The following SCN1A variants were observed in gnomAD, a reference collection of about 807,000 sequenced individuals.
The protein encoded by SCN1A is sodium voltage-gated channel alpha subunit 1.
In SCN1A, 13 loss-of-function variants were observed where a neutral mutation model predicts 193.7. The observed-to-expected ratio is 0.07, with a 90% confidence interval of 0.04 to 0.11. The LOEUF (loss-of-function observed/expected upper bound fraction) is 0.11, where lower values mean the gene tolerates loss of function less well. Ranked by LOEUF, SCN1A falls within the 10% of genes least tolerant of loss-of-function variation. The pLI, the probability that SCN1A is intolerant of heterozygous loss-of-function variation, is 1.00. For missense variants in SCN1A, 1,432 were observed against 2,451.1 expected (o/e 0.58, Z 8.78); for synonymous variants, 781 against 843.6 (o/e 0.93, Z 1.29).
Position 166,012,286 on chromosome 2 carries a change from TAAAGAA to T in SCN1A, c.3706-10_3706-5del. On this transcript the variant is annotated splice_region_variant and splice_polypyrimidine_tract_variant and intron_variant, in intron 21 of 28. Transcript: ENST00000674923. Reference sequence around the variant, plus strand: ...CAATATATATATCTTCAAATGCCTATAAAGAAAATGTTACACATTATTAGCTTTCAA... The same window carrying T: ...CAATATATATATCTTCAAATGCCTATAATGTTACACATTATTAGCTTTCAA... 2 of 1,602,378 alleles carry T rather than the reference TAAAGAA, an allele frequency of 1.2e-6. No homozygotes were observed. Among genetic ancestry groups the T allele is most frequent in the African/African-American group, 2.7e-5 (2 of 74,570 alleles).
At chr2:166,133,236 C>T (rs866009115) in intron 1 of SCN1A, among the ~76,000 whole-genome samples, 1 of 152,056 alleles carries the variant, frequency 6.6e-6, no homozygotes, top group Non-Finnish European at 1.5e-5. Context: ...TCCCTGCTAT[C>T]GAGACAACGC....
intron 19 of SCN1A, among the ~76,000 whole-genome samples, chr2:166,033,943 A>G (rs1186515633): frequency 1.3e-5 from 2 of 148,714 alleles, no homozygotes; most frequent in African/African-American, 2.5e-5. Context: ...CTATTACTAA[A>G]TTTATTTTAA....
chr2:165,985,521 C>T (rs1688559204), downstream of SCN1A: 1 of 151,996 alleles, frequency 6.6e-6, no homozygotes, highest in Admixed American at 6.6e-5. Context: ...ATAATGATGT[C>T]CTCTTGCTTG....
intron 2 of SCN1A, among the ~76,000 whole-genome samples, chr2:166,089,749 C>T (rs1308425917): frequency 6.6e-6 from 1 of 152,128 alleles, no homozygotes; most frequent in Non-Finnish European, 1.5e-5. Flanking sequence ...AAAAAACTCA[C>T]TCATTCTAGG....
chr2:166,013,662 A>G (rs1052925568), intron 21 of SCN1A, 82 bp downstream of exon 21: 4 of 1,296,934 alleles, frequency 3.1e-6, no homozygotes, highest in East Asian at 2.4e-5. Context: ...TACTAAGACA[A>G]TGAAACAAAG....
At chr2:166,038,686 T>G (rs745427288) in intron 17 of SCN1A, among the ~76,000 whole-genome samples, 68 of 152,180 alleles carry the variant, frequency 4.5e-4, no homozygotes, top group Non-Finnish European at 7.6e-4. Context: ...TGTTCTTAAT[T>G]TGTTTTATAA....
At chr2:166,110,108 C>T (rs914477109) in intron 2 of SCN1A, among the ~76,000 whole-genome samples, 5 of 151,946 alleles carry the variant, frequency 3.3e-5, no homozygotes, top group African/African-American at 4.8e-5. Context: ...GCATATGATA[C>T]GCCTGTATCA....
chr2:166,146,847 TTA>T (rs1163041689), intron 1 of SCN1A, among the ~76,000 whole-genome samples: 1 of 152,222 alleles, frequency 6.6e-6, no homozygotes, highest in Non-Finnish European at 1.5e-5. Flanking sequence ...ATATTTAGAC[TTA>T]AGGTATACTC....
At position 166,073,416 on chromosome 2, in the gene SCN1A, G is replaced by A. The variant is rs1684670190; in HGVS notation, c.206C>T (p.Pro69Leu). Reference sequence around the variant, plus strand: ...CAGGGGCTCTGACACCATCTCTGGAGGAATGTCTCCATAAATAAATGGAAG... The same window carrying A: ...CAGGGGCTCTGACACCATCTCTGGAAGAATGTCTCCATAAATAAATGGAAG... The part of the protein sequence containing the change: ...KNLPFIYGDI[P>L]PEMVSEPLED... Residue 69 changes from proline to leucine, a missense_variant, in exon 4 of 29, where the codon CCT becomes CTT. Transcript: ENST00000674923. 6.2e-7 allele frequency: 1 copy of A among 1,614,172 alleles called. No individual in the cohort carries two copies.
intron 1 of SCN1A, among the ~76,000 whole-genome samples, chr2:166,146,886 A>T (rs1692343731): frequency 2.6e-5 from 4 of 152,258 alleles, no homozygotes; most frequent in Admixed American, 2.6e-4. Flanking sequence ...TTTAAAACAT[A>T]GTACTGCTTA....
At chr2:166,079,931 AAAAT>A (rs1157455277) in intron 2 of SCN1A, among the ~76,000 whole-genome samples, 8 of 151,378 alleles carry the variant, frequency 5.3e-5, no homozygotes, top group African/African-American at 1.9e-4. Context: ...ATGCTACCTA[AAAAT>A]AAATTATGTT....
At chr2:166,075,812 C>A (rs949242350) in intron 3 of SCN1A, among the ~76,000 whole-genome samples, 3 of 151,962 alleles carry the variant, frequency 2.0e-5, no homozygotes, top group African/African-American at 7.2e-5. Flanking sequence ...GCCTATTTAT[C>A]CTCACCAATA....
intron 4 of SCN1A, among the ~76,000 whole-genome samples, chr2:166,064,207 C>T (rs7593387): frequency 0.2 from 30,989 of 151,986 alleles, 3,429 homozygotes; most frequent in East Asian, 0.36. Context: ...CAGTGTGATC[C>T]GGAACAGGTT....
chr2:166,132,120 A>C (rs148655326), upstream of SCN1A, among the ~76,000 whole-genome samples: 2 of 152,294 alleles, frequency 1.3e-5, no homozygotes, highest in East Asian at 3.9e-4. Context: ...GATGGTGGTG[A>C]CAACAGACAA....
chr2:166,125,075 G>T (rs1362402589), intron 2 of SCN1A, among the ~76,000 whole-genome samples: 1 of 152,176 alleles, frequency 6.6e-6, no homozygotes, highest in Non-Finnish European at 1.5e-5. Flanking sequence ...CTGATCACAA[G>T]TGCAATGAGA....
intron 1 of SCN1A, among the ~76,000 whole-genome samples, chr2:166,138,976 A>G (rs2106298398): frequency 6.6e-6 from 1 of 152,282 alleles, no homozygotes; most frequent in South Asian, 2.1e-4. Flanking sequence ...TGGAGCTTAA[A>G]GATTTGACTG....
At chr2:166,015,814 T>G (rs1693215960) in intron 19 of SCN1A, 87 bp from the exon 20 acceptor site, 3 of 1,450,628 alleles carry the variant, frequency 2.1e-6, no homozygotes, top group African/African-American at 2.8e-5. Flanking sequence ...TATGAATTTG[T>G]TTTTTATTCT....
chr2:166,019,661 C>G (rs938651927), intron 19 of SCN1A, among the ~76,000 whole-genome samples: 1 of 152,030 alleles, frequency 6.6e-6, no homozygotes. Flanking sequence ...GTTACCTTTT[C>G]TTTGTTTAAC....
chr2:166,058,199 T>C (rs1490288574), intron 5 of SCN1A, among the ~76,000 whole-genome samples: 1 of 152,134 alleles, frequency 6.6e-6, no homozygotes, highest in Non-Finnish European at 1.5e-5. Flanking sequence ...GAAGTAGATT[T>C]TTCTGTTATC....
Sources: gnomAD v4.1 joint callset for allele counts (sites outside exome capture counted in the v4.1 genomes callset) on GRCh38, gnomAD v4.1.1 for gene constraint, MANE v1.5 for transcripts, NCBI Gene and HGNC (gene_info 2026-07-23, HGNC 2026-07-21) for gene names.